The following NPY5R variants were observed in gnomAD, a reference collection of about 807,000 sequenced individuals.
NPY5R encodes the protein neuropeptide Y receptor Y5.
In NPY5R, 21 loss-of-function variants were observed where a neutral mutation model predicts 24.8. That is an observed-to-expected ratio of 0.85 (90% CI 0.60 to 1.22). The LOEUF (loss-of-function observed/expected upper bound fraction) is 1.22, where lower values mean the gene tolerates loss of function less well. NPY5R is among the 50% of genes most tolerant of loss of function. The pLI, the probability that NPY5R is intolerant of heterozygous loss-of-function variation, is 0.00. For synonymous variants in NPY5R, 175 were observed against 183.0 expected, an observed-to-expected ratio of 0.96 and a Z score of 0.35; for missense variants, 481 against 521.3, an observed-to-expected ratio of 0.92 and a Z score of 0.75.
In NPY5R at chr4:163,350,841, G is replaced by T; in HGVS notation, c.568G>T (p.Ala190Ser). The T allele has an allele frequency of 6.2e-7, 1 of 1,614,204 alleles. No individual in the cohort carries two copies. Among genetic ancestry groups the T allele is most frequent in the Non-Finnish European group, 8.5e-7 (1 of 1,180,032 alleles). The change falls in exon 4 of 4, where the codon GCA becomes TCA. Residue 190 changes from alanine to serine, a missense_variant. Physicochemically the swap from Ala to Ser is moderately conservative, Grantham distance 99. Transcript: ENST00000338566. ...GGAACTTCAAGAAACATTTGGTTCA[G>T]CATTGCTGAGCAGCAGGTATTTATG... ...LVELQETFGS[A>S]LLSSRYLCVE...
At chr4:163,345,810 T>C (rs944798584) in intron 2 of NPY5R, 57 bp downstream of exon 2, 31 of 152,286 alleles carry the variant, frequency 2.0e-4, no homozygotes, top group Admixed American at 8.5e-4. Context: ...TTAAGTGCGT[T>C]CCTGTACCTT....
intron 1 of NPY5R, chr4:163,344,251 G>A (rs567887989): frequency 1.4e-4 from 21 of 152,474 alleles, no homozygotes; most frequent in African/African-American, 4.8e-4. Flanking sequence ...CAGCGGAGAG[G>A]GTACTGGGCT....
chr4:163,351,019 T>G lies in NPY5R; in HGVS notation c.746T>G (p.Leu249Arg), dbSNP rs74402296. 3.7e-6 allele frequency: 6 copies of G among 1,614,092 alleles called. No individual in the cohort carries two copies. In the Admixed American group the frequency reaches 1.0e-4, roughly 27 times the overall value. The change falls in exon 4 of 4, where the codon CTT becomes CGT. Residue 249 changes from leucine to arginine, a missense_variant. Physicochemically the swap from Leu to Arg is moderately radical, Grantham distance 102 (BLOSUM62 -2). Transcript: ENST00000338566. ...GGATTGTCCAACAAAGAAAACAGAC[T>G]TGAAGAAAATGAGATGATCAACTTA... is the stretch of plus-strand genomic sequence containing the variant. The part of the protein sequence containing the change: ...SCGLSNKENR[L>R]EENEMINLTL...
In NPY5R at chr4:163,351,551, G is replaced by A. The variant is rs11946004; in HGVS notation, c.1278G>A (p.Gly426=). 180,390 of 1,608,182 alleles carry A rather than the reference G, an allele frequency of 0.11. 10,686 individuals carry two copies. Among genetic ancestry groups the A allele is most frequent in the Middle Eastern group, 0.16 (944 of 6,036 alleles). The change falls in exon 4 of 4, where the codon GGG becomes GGA. Residue 426 remains glycine, a synonymous_variant. Transcript: ENST00000338566. ...GTTGTCTTAATCCAATTCTATATGG[G>A]TTTCTTAATAATGGGATTAAAGCTG... ...MSCCLNPILY[G]FLNNGIKADL...
At position 163,350,289 on chromosome 4, in the gene NPY5R, G is replaced by A. The variant is rs780119025; in HGVS notation, c.16G>A (p.Asp6Asn). The change falls in exon 4 of 4, where the codon GAC (aspartate) becomes AAC (asparagine). Residue 6 changes from aspartate (D) to asparagine (N), a missense_variant. Asp to Asn is a conservative substitution (Grantham distance 23, BLOSUM62 1). Coordinates refer to ENST00000338566, the MANE Select transcript of NPY5R (RefSeq NM_006174.4). ...GGACTATAATATGGATTTAGAGCTC[G>A]ACGAGTATTATAACAAGACACTTGC... MDLELDEYYNKTLATE... is the reference protein window; with the variant it reads MDLELNEYYNKTLATE... 34 of 1,567,244 alleles carry A rather than the reference G, an allele frequency of 2.2e-5. No homozygotes were observed. Among genetic ancestry groups the A allele is most frequent in the Admixed American group, 7.6e-5 (4 of 52,650 alleles).
intron 2 of NPY5R, among the ~76,000 whole-genome samples, chr4:163,346,281 A>G (rs1050413745): frequency 1.3e-5 from 2 of 152,200 alleles, no homozygotes; most frequent in Non-Finnish European, 2.9e-5. Flanking sequence ...ATAATATATT[A>G]CTATCAGTCA....
At position 163,346,151 on chromosome 4, in the gene NPY5R, T is replaced by G. The variant is rs1735240169; in HGVS notation, c.-81+398T>G. Among the ~76,000 whole-genome samples, 3 of 152,298 alleles carry G rather than the reference T, an allele frequency of 2.0e-5. No individual in the cohort carries two copies. The South Asian group carries it at 6.2e-4, about 32-fold the overall frequency. On this transcript the variant is annotated intron_variant, in intron 2 of 3. Transcript: ENST00000338566. The stretch of plus-strand genomic sequence containing the variant: ...GTCACACCAAAATAAAATGAATAAA[T>G]GAATGTTGAATGAATGAATGCTAAG...
chr4:163,344,762 A>G (rs1203850012), intron 1 of NPY5R: 1 of 152,250 alleles, frequency 6.6e-6, no homozygotes, highest in African/African-American at 2.4e-5. Context: ...ACCAAAGCCA[A>G]AACGATTTTA....
At chr4:163,349,771 T>C (rs1735398273) in intron 3 of NPY5R, among the ~76,000 whole-genome samples, 1 of 152,212 alleles carries the variant, frequency 6.6e-6, no homozygotes. Flanking sequence ...AAATTTACTA[T>C]AATCATTATT....
In NPY5R at chr4:163,351,354, A is replaced by C; in HGVS notation, c.1081A>C (p.Lys361Gln). 1.2e-6 allele frequency: 2 copies of C among 1,613,902 alleles called. No homozygotes were observed. The highest frequency in any genetic ancestry group is 1.7e-6 in the Non-Finnish European group (2 of 1,179,804). The change falls in exon 4 of 4, where the codon AAG (lysine) becomes CAG (glutamine). Residue 361 changes from lysine (K) to glutamine (Q), a missense_variant. Transcript: ENST00000338566. ...AAAACGTTCTGTTACAAGAATAAAA[A>C]AGAGATCTCGAAGTGTTTTCTACAG... Reference protein sequence around the residue: ...RVKRSVTRIKKRSRSVFYRLT... With the variant: ...RVKRSVTRIKQRSRSVFYRLT...
At chr4:163,348,844 A>T (rs1386228829) in intron 3 of NPY5R, among the ~76,000 whole-genome samples, 1 of 152,116 alleles carries the variant, frequency 6.6e-6, no homozygotes, top group African/African-American at 2.4e-5. Context: ...AAGAAAACTT[A>T]TTACCGGGAG....
intron 1 of NPY5R, 28 bp downstream of exon 1, chr4:163,344,028 C>A (rs1457949955): frequency 6.6e-6 from 1 of 152,430 alleles, no homozygotes; most frequent in Non-Finnish European, 1.5e-5. Flanking sequence ...TCCCTGCCAA[C>A]CCCTTTCGCG....
intron 1 of NPY5R, chr4:163,344,887 G>A (rs1043044736): frequency 1.3e-5 from 2 of 152,214 alleles, no homozygotes; most frequent in African/African-American, 2.4e-5. Flanking sequence ...GAATTTGGAA[G>A]GGAGGGTGGT....
chr4:163,351,462 C>A lies in NPY5R; in HGVS notation c.1189C>A (p.Leu397Ile). The A allele has an allele frequency of 6.2e-7, 1 of 1,613,904 alleles. No homozygotes were observed. Among genetic ancestry groups the A allele is most frequent in the Non-Finnish European group, 8.5e-7 (1 of 1,179,896 alleles). Residue 397 changes from leucine (L) to isoleucine (I), a missense_variant, in exon 4 of 4, where the codon CTT becomes ATT. Coordinates refer to ENST00000338566, the MANE Select transcript of NPY5R (RefSeq NM_006174.4). ...TGTGGTAACTGATTTTAATGACAAT[C>A]TTATTTCAAATAGGCATTTCAAGTT... ...FHVVTDFNDN[L>I]ISNRHFKLVY...
chr4:163,348,398 G>A (rs892004949), intron 3 of NPY5R, among the ~76,000 whole-genome samples: 2 of 152,124 alleles, frequency 1.3e-5, no homozygotes, highest in Non-Finnish European at 2.9e-5. Context: ...GGAGGCCAAG[G>A]TGGGAGGTTT....
At chr4:163,347,190 C>G (rs563132621) in intron 2 of NPY5R, among the ~76,000 whole-genome samples, 235 of 152,186 alleles carry the variant, frequency 1.5e-3, no homozygotes, top group African/African-American at 5.6e-3. Context: ...AACATCATTT[C>G]TAGAATGAAA....
In NPY5R at chr4:163,345,742, G is replaced by A. The variant is rs78488414; in HGVS notation, c.-92G>A. ...TGCTCATTGTGTTTTTCAGGAAAAAGGAAGGGAAAGGGTAAGTTTAATGGA... is the reference window on the plus strand; with the variant it reads ...TGCTCATTGTGTTTTTCAGGAAAAAAGAAGGGAAAGGGTAAGTTTAATGGA... On this transcript the variant is annotated 5_prime_UTR_variant, in exon 2 of 4. Coordinates refer to ENST00000338566, the MANE Select transcript of NPY5R (RefSeq NM_006174.4). 1.8e-4 allele frequency: 28 copies of A among 152,290 alleles called. 1 individual carries two copies. In the East Asian group the frequency reaches 5.4e-3, roughly 29 times the overall value. The allele number at this position is 152,290 out of a possible 1,614,324, so 9.4% of individuals were successfully genotyped here. A position where few individuals can be genotyped will look rare whatever the true frequency, so the allele number is the denominator to read the frequency against.
intron 1 of NPY5R, chr4:163,345,405 C>G (rs1735189167): frequency 6.6e-6 from 1 of 152,072 alleles, no homozygotes; most frequent in Non-Finnish European, 1.5e-5. Flanking sequence ...ATTTTTCACA[C>G]TTTTTACTCA....
chr4:163,346,203 A>G (rs1272103969), intron 2 of NPY5R, among the ~76,000 whole-genome samples: 3 of 152,236 alleles, frequency 2.0e-5, no homozygotes, highest in African/African-American at 7.2e-5. Flanking sequence ...TTGCTTATCA[A>G]TCTATCAGTA....
Sources: gnomAD v4.1 joint callset for allele counts (sites outside exome capture counted in the v4.1 genomes callset) on GRCh38, gnomAD v4.1.1 for gene constraint, MANE v1.5 for transcripts, NCBI Gene and HGNC (gene_info 2026-07-23, HGNC 2026-07-21) for gene names.